Variants in NOVA1 observed in about 807,000 individuals in gnomAD.
NOVA1 encodes the protein NOVA alternative splicing regulator 1.
A neutral mutation model predicts 38.0 loss-of-function variants in NOVA1; 7 were observed. That is an observed-to-expected ratio of 0.18 (90% CI 0.10 to 0.35). The LOEUF (loss-of-function observed/expected upper bound fraction) is 0.35. NOVA1 is among the 10% of genes least tolerant of loss of function. NOVA1 has a pLI of 1.00. For missense variants in NOVA1, 460 were observed against 616.0 expected (o/e 0.75, Z 2.68); for synonymous variants, 270 against 232.5 (o/e 1.16, Z -1.47).
rs116739721 is a variant in NOVA1 at position 26,559,725 on chromosome 14, C to G, written c.280+35685G>C. Among the ~76,000 whole-genome samples, 452 of 152,164 alleles carry G rather than the reference C, an allele frequency of 3.0e-3. 2 individuals are homozygous for G. Among genetic ancestry groups the G allele is most frequent in the African/African-American group, 0.011 (439 of 41,538 alleles). On this transcript the variant is annotated intron_variant, in intron 2 of 4. Coordinates refer to ENST00000539517, the MANE Select transcript of NOVA1 (RefSeq NM_002515.3). ...AGACAGAGAGTAGACTGCTGGTTAT[C>G]AGAGGCTGGGAAGGGTTGAGTGGAG...
intron 2 of NOVA1, among the ~76,000 whole-genome samples, chr14:26,520,396 A>G (rs1888780193): frequency 6.6e-6 from 1 of 152,164 alleles, no homozygotes; most frequent in African/African-American, 2.4e-5. Flanking sequence ...GTATACTGAG[A>G]AATTACTATA....
At chr14:26,503,712 C>T (rs1033104345) in intron 2 of NOVA1, among the ~76,000 whole-genome samples, 3 of 151,770 alleles carry the variant, frequency 2.0e-5, no homozygotes, top group Admixed American at 2.0e-4. Flanking sequence ...TTTCTAATAG[C>T]AAAAAATATA....
At chr14:26,563,894 T>C (rs1365926483) in intron 2 of NOVA1, among the ~76,000 whole-genome samples, 1 of 152,070 alleles carries the variant, frequency 6.6e-6, no homozygotes, top group Non-Finnish European at 1.5e-5. Context: ...ACTTTAGACC[T>C]AAAAAAGCCT....
At chr14:26,461,795 G>C (rs895827888) in intron 4 of NOVA1, among the ~76,000 whole-genome samples, 2 of 150,302 alleles carry the variant, frequency 1.3e-5, no homozygotes, top group African/African-American at 4.9e-5. Flanking sequence ...AATTTGCCAG[G>C]CATGCATGGT....
intron 2 of NOVA1, among the ~76,000 whole-genome samples, chr14:26,499,670 C>T (rs1345912007): frequency 3.3e-5 from 5 of 152,086 alleles, no homozygotes; most frequent in Non-Finnish European, 2.9e-5. Context: ...AGGGACACAA[C>T]TAATCTATCC....
chr14:26,504,068 G>GTA (rs1050941667), intron 2 of NOVA1, among the ~76,000 whole-genome samples: 1 of 151,904 alleles, frequency 6.6e-6, no homozygotes, highest in Non-Finnish European at 1.5e-5. Flanking sequence ...TTCCTAGAAG[G>GTA]TATATATACC....
intron 2 of NOVA1, among the ~76,000 whole-genome samples, chr14:26,555,325 T>C (rs1364423198): frequency 6.6e-6 from 1 of 152,130 alleles, no homozygotes; most frequent in Non-Finnish European, 1.5e-5. Context: ...GTATTTTACA[T>C]GATTAAATTA....
chr14:26,453,743 C>G (rs1028097073), intron 4 of NOVA1, among the ~76,000 whole-genome samples: 2 of 152,008 alleles, frequency 1.3e-5, no homozygotes, highest in African/African-American at 4.8e-5. Context: ...ATTATCATGG[C>G]AGAAAAATCA....
chr14:26,559,206 T>C (rs1256952639), intron 2 of NOVA1, among the ~76,000 whole-genome samples: 1 of 152,126 alleles, frequency 6.6e-6, no homozygotes, highest in Non-Finnish European at 1.5e-5. Flanking sequence ...ATAATGCATC[T>C]TTCCTAAAAA....
chr14:26,566,906 G>C (rs1378987607), intron 2 of NOVA1, among the ~76,000 whole-genome samples: 1 of 152,042 alleles, frequency 6.6e-6, no homozygotes, highest in African/African-American at 2.4e-5. Flanking sequence ...TCAATCCTTA[G>C]ACAAACATTC....
intron 4 of NOVA1, among the ~76,000 whole-genome samples, chr14:26,467,505 G>T (rs1884240987): frequency 6.6e-6 from 1 of 152,142 alleles, no homozygotes; most frequent in Admixed American, 6.6e-5. Flanking sequence ...AGAAGAAATA[G>T]GGCATTAGCT....
intron 4 of NOVA1, among the ~76,000 whole-genome samples, chr14:26,467,617 G>C (rs187854571): frequency 5.3e-5 from 8 of 152,246 alleles, no homozygotes; most frequent in Admixed American, 5.2e-4. Context: ...GCAAAAACTT[G>C]ACAGAAAAAG....
In NOVA1 at chr14:26,448,668, T is replaced by A. The variant is rs1046356051; in HGVS notation, c.815A>T (p.Tyr272Phe). The A allele has an allele frequency of 6.2e-7, 1 of 1,614,196 alleles. No individual in the cohort carries two copies. The highest frequency in any genetic ancestry group is 1.3e-5 in the African/African-American group (1 of 75,056). ...TGGTAACACTTCAGCAGTGTTTGCATAAGGAGATCCGGTTGGATTGGAATT... is the reference window on the plus strand; with the variant it reads ...TGGTAACACTTCAGCAGTGTTTGCAAAAGGAGATCCGGTTGGATTGGAATT... ...VANSNPTGSPYANTAEVLPTA... is the reference protein window; with the variant it reads ...VANSNPTGSPFANTAEVLPTA... Residue 272 changes from tyrosine to phenylalanine, a missense_variant, in exon 5 of 5, where the codon TAT becomes TTT. Coordinates refer to ENST00000539517, the MANE Select transcript of NOVA1 (RefSeq NM_002515.3). This position sits in a 1 kb window ranked among gnomAD's most constrained non-coding sequence, Gnocchi z 5.3.
chr14:26,460,516 T>C (rs1883569366), intron 4 of NOVA1, among the ~76,000 whole-genome samples: 1 of 152,012 alleles, frequency 6.6e-6, no homozygotes, highest in South Asian at 2.1e-4. Context: ...GTTTTCTTTT[T>C]CAAAAATATT....
chr14:26,466,581 T>C (rs1884156985), intron 4 of NOVA1, among the ~76,000 whole-genome samples: 1 of 152,198 alleles, frequency 6.6e-6, no homozygotes, highest in African/African-American at 2.4e-5. Context: ...AATTAGGTAA[T>C]AATTCTGCAC....
intron 2 of NOVA1, 103 bp downstream of exon 2, chr14:26,595,307 C>T: frequency 8.9e-7 from 1 of 1,128,970 alleles, no homozygotes; most frequent in Non-Finnish European, 1.3e-6. Context: ...TAAATAAAGT[C>T]TCCAGTATTG....
chr14:26,558,008 A>T (rs1165075447), intron 2 of NOVA1, among the ~76,000 whole-genome samples: 1 of 152,006 alleles, frequency 6.6e-6, no homozygotes, highest in African/African-American at 2.4e-5. Context: ...AAAAAAAAAA[A>T]AGGTCAATCT....
At position 26,482,479 on chromosome 14, in the gene NOVA1, TA is replaced by T. The variant is rs559584698; in HGVS notation, c.281-2337del. On this transcript the variant is annotated intron_variant, in intron 2 of 4. Transcript: ENST00000539517. ...TGTCAGGTGTATGATCAAACTGTGT[TA>T]AAAAAAATGAGCCTATAAATCATAA... Among the ~76,000 whole-genome samples, 68 of 151,916 alleles carry T rather than the reference TA, an allele frequency of 4.5e-4. No homozygotes were observed. The East Asian group carries it at 9.7e-3, about 22-fold the overall frequency.
At chr14:26,591,198 T>G (rs1261950376) in intron 2 of NOVA1, among the ~76,000 whole-genome samples, 1 of 151,702 alleles carries the variant, frequency 6.6e-6, no homozygotes, top group African/African-American at 2.4e-5. Context: ...TCAGAGATAC[T>G]AATGTTTAAG....
Sources: gnomAD v4.1 joint callset for allele counts (sites outside exome capture counted in the v4.1 genomes callset) on GRCh38, gnomAD v4.1.1 for gene constraint, Gnocchi (gnomAD v3.1) non-coding constraint, MANE v1.5 for transcripts, NCBI Gene and HGNC (gene_info 2026-07-23, HGNC 2026-07-21) for gene names.